The following XRCC4 variants were observed in gnomAD, a reference collection of about 807,000 sequenced individuals.
XRCC4 encodes the protein X-ray repair cross complementing 4.
A neutral mutation model predicts 39.1 loss-of-function variants in XRCC4; 28 were observed. The ratio of observed to expected loss-of-function variants is 0.72; its 90% CI spans 0.53 to 0.98. The LOEUF (loss-of-function observed/expected upper bound fraction) is 0.98, where lower values mean the gene tolerates loss of function less well. Among genes scored for constraint, XRCC4 ranks in the 50% least tolerant of loss-of-function variants. XRCC4 has a pLI of 0.00. For synonymous variants in XRCC4, 123 were observed against 126.4 expected (o/e 0.97, Z 0.18); for missense variants, 350 against 376.4 (o/e 0.93, Z 0.58).
chr5:83,341,922 C>G (rs1289503030), intron 7 of XRCC4, among the ~76,000 whole-genome samples: 1 of 152,162 alleles, frequency 6.6e-6, no homozygotes, highest in Admixed American at 6.6e-5. Context: ...CAGAGTCCCC[C>G]CAACTGGAGA....
At chr5:83,181,123 T>G (rs1176542415) in intron 3 of XRCC4, among the ~76,000 whole-genome samples, 1 of 151,830 alleles carries the variant, frequency 6.6e-6, no homozygotes, top group African/African-American at 2.4e-5. Flanking sequence ...TTTCCTTTTT[T>G]TTTCAATTTT....
chr5:83,270,414 T>A (rs1230962419), intron 7 of XRCC4, among the ~76,000 whole-genome samples: 1 of 152,158 alleles, frequency 6.6e-6, no homozygotes, highest in Non-Finnish European at 1.5e-5. Context: ...ACTTCATGCT[T>A]CTAAAATATC....
intron 7 of XRCC4, among the ~76,000 whole-genome samples, chr5:83,303,372 A>T (rs897307038): frequency 1.3e-5 from 2 of 152,152 alleles, no homozygotes; most frequent in Non-Finnish European, 2.9e-5. Context: ...CTTATAGGGG[A>T]TAGGATTAAA....
chr5:83,349,722 A>G (rs1487481744), intron 7 of XRCC4, among the ~76,000 whole-genome samples: 1 of 152,176 alleles, frequency 6.6e-6, no homozygotes, highest in African/African-American at 2.4e-5. Context: ...TAAACAATGG[A>G]CACAATTACA....
At chr5:83,350,546 TGTTG>T (rs760758416) in intron 7 of XRCC4, among the ~76,000 whole-genome samples, 2 of 152,160 alleles carry the variant, frequency 1.3e-5, no homozygotes, top group Non-Finnish European at 2.9e-5. Flanking sequence ...TTCATATGTT[TGTTG>T]GTTGCTTGTG....
At chr5:83,199,619 T>C (rs1751094154) in intron 4 of XRCC4, among the ~76,000 whole-genome samples, 1 of 151,978 alleles carries the variant, frequency 6.6e-6, no homozygotes, top group African/African-American at 2.4e-5. Context: ...TGTTTCATTT[T>C]TGGTGTTATT....
intron 7 of XRCC4, among the ~76,000 whole-genome samples, chr5:83,327,039 A>G (rs1756285542): frequency 6.6e-6 from 1 of 151,916 alleles, no homozygotes; most frequent in African/African-American, 2.4e-5. Context: ...ATTTCTATCT[A>G]TATTTTTAAA....
intron 3 of XRCC4, among the ~76,000 whole-genome samples, chr5:83,126,974 T>TA (rs1211113544): frequency 6.6e-6 from 1 of 152,176 alleles, no homozygotes; most frequent in Admixed American, 6.6e-5. Flanking sequence ...ATACCTGTCT[T>TA]ACGCCTGCAT....
intron 6 of XRCC4, among the ~76,000 whole-genome samples, chr5:83,223,989 T>G (rs1347777480): frequency 1.3e-5 from 2 of 151,960 alleles, no homozygotes; most frequent in African/African-American, 2.4e-5. Context: ...ATGGTGTATA[T>G]GTGCCACATT....
At chr5:83,288,000 A>G (rs1009433799) in intron 7 of XRCC4, among the ~76,000 whole-genome samples, 3 of 151,712 alleles carry the variant, frequency 2.0e-5, no homozygotes, top group African/African-American at 7.3e-5. Flanking sequence ...TTTAATTTTC[A>G]TGTACTTCAA....
chr5:83,163,834 G>A (rs534055976), intron 3 of XRCC4, among the ~76,000 whole-genome samples: 159 of 152,282 alleles, frequency 1.0e-3, no homozygotes, highest in Middle Eastern at 3.4e-3. Context: ...GACAATTTTA[G>A]GGAATACTGA....
chr5:83,290,124 T>C (rs1248590833), intron 7 of XRCC4, among the ~76,000 whole-genome samples: 1 of 151,882 alleles, frequency 6.6e-6, no homozygotes, highest in Non-Finnish European at 1.5e-5. Flanking sequence ...CGATTTGTCT[T>C]TCTCCAGATT....
chr5:83,306,150 C>T (rs752457437), intron 7 of XRCC4, among the ~76,000 whole-genome samples: 5 of 151,992 alleles, frequency 3.3e-5, no homozygotes, highest in Admixed American at 6.6e-5. Context: ...TGAATAGAAA[C>T]ATGTGGTCCT....
chr5:83,345,712 G>A (rs561538661), intron 7 of XRCC4, among the ~76,000 whole-genome samples: 202 of 152,186 alleles, frequency 1.3e-3, no homozygotes, highest in Admixed American at 2.4e-3. Flanking sequence ...TATTCCGGCC[G>A]TAGTGATACC....
intron 6 of XRCC4, among the ~76,000 whole-genome samples, chr5:83,214,168 T>C (rs1402172022): frequency 6.6e-6 from 1 of 152,170 alleles, no homozygotes; most frequent in Non-Finnish European, 1.5e-5. Context: ...TCTGCTCCCA[T>C]CACTTCTATT....
At chr5:83,368,525 G>A in the XRCC4 span, among the ~76,000 whole-genome samples, 2 of 152,180 alleles carry the variant, frequency 1.3e-5, no homozygotes, top group African/African-American at 2.4e-5. Flanking sequence ...CAGAACAACT[G>A]CTTTTTTGTA....
At chr5:83,259,466 G>T (rs1009942956) in intron 7 of XRCC4, 1 of 151,886 alleles carries the variant, frequency 6.6e-6, no homozygotes, top group Non-Finnish European at 1.5e-5. Flanking sequence ...CCTTTGTAGG[G>T]GTCCATAAGG....
the XRCC4 span, among the ~76,000 whole-genome samples, chr5:83,361,473 G>A: frequency 6.6e-6 from 1 of 152,114 alleles, no homozygotes; most frequent in Non-Finnish European, 1.5e-5. Context: ...GAGCCATCAT[G>A]GAACTTATCT....
chr5:83,081,991 C>G (rs1311521404), intron 1 of XRCC4, among the ~76,000 whole-genome samples: 1 of 152,140 alleles, frequency 6.6e-6, no homozygotes, highest in Admixed American at 6.5e-5. Context: ...TGGAGTCATC[C>G]TTGACTCCTT....
Sources: gnomAD v4.1 joint callset for allele counts (sites outside exome capture counted in the v4.1 genomes callset) on GRCh38, gnomAD v4.1.1 for gene constraint, MANE v1.5 for transcripts, NCBI Gene and HGNC (gene_info 2026-07-23, HGNC 2026-07-21) for gene names.